The following INPP4B variants were observed in gnomAD, a reference collection of about 807,000 sequenced individuals.
The protein encoded by INPP4B is inositol polyphosphate-4-phosphatase type II B.
A neutral mutation model predicts 122.5 loss-of-function variants in INPP4B; 55 were observed. The ratio of observed to expected loss-of-function variants is 0.45; its 90% confidence interval spans 0.36 to 0.56. The LOEUF (loss-of-function observed/expected upper bound fraction) is 0.56. Among genes scored for constraint, INPP4B ranks in the 20% least tolerant of loss-of-function variants. INPP4B has a pLI of 0.00. For missense variants in INPP4B, 1,000 were observed against 1,097.7 expected (o/e 0.91, Z 1.26); for synonymous variants, 403 against 388.7 (o/e 1.04, Z -0.43).
In INPP4B at chr4:142,026,676, AG is replaced by A. The variant is rs1478275800; in HGVS notation, c.*2105del. 1 of 152,194 alleles carries A rather than the reference AG, an allele frequency of 6.6e-6. No homozygotes were observed. The highest frequency in any genetic ancestry group is 1.5e-5 in the Non-Finnish European group (1 of 68,052). The allele number at this position is 152,194 out of a possible 1,614,324, so 9.4% of individuals were successfully genotyped here. Reference sequence around the variant, plus strand: ...GAGATGGGGTTTCACCATGTTGGCCAGGCTGATCTCCAATTCCTGACCTCAG... The same window carrying A: ...GAGATGGGGTTTCACCATGTTGGCCAGCTGATCTCCAATTCCTGACCTCAG... On this transcript the variant is annotated 3_prime_UTR_variant, in exon 26 of 26. Transcript: ENST00000262992.
At chr4:142,517,591 C>G (rs1825575089) in intron 2 of INPP4B, among the ~76,000 whole-genome samples, 1 of 152,084 alleles carries the variant, frequency 6.6e-6, no homozygotes, top group Non-Finnish European at 1.5e-5. Context: ...ATGAATATGT[C>G]TTAGCCTTAA....
rs568015804 is a variant in INPP4B at position 142,266,283 on chromosome 4, A to G, written c.615+4380T>C. 1.2e-4 allele frequency among the ~76,000 whole-genome samples: 19 copies of G among 152,142 alleles called. 1 individual carries two copies. The highest frequency in any genetic ancestry group is 3.6e-4 in the African/African-American group (15 of 41,514). ...CAAACTCAAGAAAGTCTGCTCCAAA[A>G]CTTTACCATGGCCCTGATATTAGTT... On this transcript the variant is annotated intron_variant, in intron 10 of 25. Coordinates refer to ENST00000262992, the MANE Select transcript of INPP4B (RefSeq NM_001101669.3).
At chr4:142,605,095 G>C (rs2150314424) in intron 2 of INPP4B, among the ~76,000 whole-genome samples, 1 of 151,802 alleles carries the variant, frequency 6.6e-6, no homozygotes, top group South Asian at 2.1e-4. Flanking sequence ...CTTTGGCAAA[G>C]TCACCAGGAA....
At chr4:142,569,518 G>A (rs1210794445) in intron 2 of INPP4B, among the ~76,000 whole-genome samples, 2 of 152,058 alleles carry the variant, frequency 1.3e-5, no homozygotes, top group Non-Finnish European at 2.9e-5. Flanking sequence ...TTACAGAAGG[G>A]AGAAACTGGG....
At chr4:142,042,550 GTATGTATGTATTTATT>G (rs1376848365) in intron 25 of INPP4B, among the ~76,000 whole-genome samples, 6 of 28,882 alleles carry the variant, frequency 2.1e-4, no homozygotes, top group African/African-American at 3.6e-4. Flanking sequence ...ATGTATGTAT[GTATGTATGTATTTATT>G]TATTTATTTA....
intron 9 of INPP4B, among the ~76,000 whole-genome samples, chr4:142,273,935 C>T (rs2247587): frequency 0.53 from 80,407 of 151,694 alleles, 25,511 homozygotes; most frequent in Non-Finnish European, 0.69. Context: ...GTAGAAGCCA[C>T]TCTCTATTTA....
Position 142,173,652 on chromosome 4 carries a change from A to C in INPP4B, c.1339T>G (p.Leu447Val), listed in dbSNP as rs1443819630. The change falls in exon 16 of 26, where the codon TTA becomes GTA. Residue 447 changes from leucine (L) to valine (V), a missense_variant. Transcript: ENST00000262992. ...QHSPDSLKNS[L>V]KMLSEKTELF... ...CTTACTTTTTCTGAAAGCATCTTTA[A>C]AGAATTCTTCAAGCTGTCTGGAGAA... The C allele has an allele frequency of 1.6e-5, 26 of 1,611,710 alleles. No individual in the cohort carries two copies. Among genetic ancestry groups the C allele is most frequent in the Non-Finnish European group, 2.2e-5 (26 of 1,178,968 alleles).
intron 2 of INPP4B, among the ~76,000 whole-genome samples, chr4:142,524,171 C>T (rs533160553): frequency 1.3e-5 from 2 of 151,770 alleles, no homozygotes; most frequent in African/African-American, 4.8e-5. Context: ...GGGTATATAC[C>T]CAGTAATGGG....
chr4:142,773,263 G>A (rs766965885), intron 1 of INPP4B, among the ~76,000 whole-genome samples: 1 of 152,034 alleles, frequency 6.6e-6, no homozygotes, highest in African/African-American at 2.4e-5. Flanking sequence ...TGTGGCACAA[G>A]AGCAGACATA....
chr4:142,594,291 G>A (rs72726475), intron 2 of INPP4B, among the ~76,000 whole-genome samples: 2,829 of 152,064 alleles, frequency 0.019, 46 homozygotes, highest in Non-Finnish European at 0.027. Context: ...TGTTTACTGA[G>A]GCAAAGTAAA....
intron 7 of INPP4B, among the ~76,000 whole-genome samples, chr4:142,398,271 G>C (rs111227906): frequency 1.3e-5 from 2 of 148,420 alleles, no homozygotes; most frequent in Non-Finnish European, 3.0e-5. Flanking sequence ...CCAGCTACTC[G>C]GGAGGCTGAG....
chr4:142,737,920 C>T (rs568120370), intron 1 of INPP4B, among the ~76,000 whole-genome samples: 53 of 152,338 alleles, frequency 3.5e-4, no homozygotes, highest in African/African-American at 1.2e-3. Context: ...TACCATCTCA[C>T]ACCAGTTAGA....
At position 142,208,536 on chromosome 4, in the gene INPP4B, G is replaced by A. The variant is rs2149521626; in HGVS notation, c.968-7C>T. ...CTTGATTTGAAAGAGGACCCTGATG[G>A]AAACCAGAAATTAAACATTATTAGT... On this transcript the variant is annotated splice_region_variant and splice_polypyrimidine_tract_variant and intron_variant, in intron 13 of 25. Coordinates refer to ENST00000262992, the MANE Select transcript of INPP4B (RefSeq NM_001101669.3). The A allele has an allele frequency of 1.4e-6, 2 of 1,456,698 alleles. No homozygotes were observed. The highest frequency in any genetic ancestry group is 1.9e-6 in the Non-Finnish European group (2 of 1,056,468). 90.2% of individuals were successfully genotyped at this position (1,456,698 alleles called of 1,614,324 possible).
At chr4:142,289,742 T>C (rs932577682) in intron 9 of INPP4B, among the ~76,000 whole-genome samples, 3 of 152,206 alleles carry the variant, frequency 2.0e-5, no homozygotes, top group Non-Finnish European at 2.9e-5. Context: ...TAGTACTCCA[T>C]GGTGACCCAA....
chr4:142,747,874 G>T (rs1020401348), intron 1 of INPP4B, among the ~76,000 whole-genome samples: 1 of 136,532 alleles, frequency 7.3e-6, no homozygotes, highest in Non-Finnish European at 1.7e-5. Context: ...CTGTCAAGGG[G>T]TGGGGGAGCT....
intron 9 of INPP4B, among the ~76,000 whole-genome samples, chr4:142,299,454 C>T (rs1039022319): frequency 6.6e-6 from 1 of 151,290 alleles, no homozygotes; most frequent in Admixed American, 6.6e-5. Flanking sequence ...CGCATCCGGC[C>T]TTGTTCACTT....
intron 2 of INPP4B, among the ~76,000 whole-genome samples, chr4:142,587,021 C>T (rs1736366273): frequency 1.3e-5 from 2 of 152,210 alleles, no homozygotes; most frequent in East Asian, 3.9e-4. Flanking sequence ...ACCTTGAATG[C>T]TATTTTCAAA....
chr4:142,341,891 G>A (rs1392955701), intron 7 of INPP4B, among the ~76,000 whole-genome samples: 1 of 152,046 alleles, frequency 6.6e-6, no homozygotes, highest in African/African-American at 2.4e-5. Context: ...TTGCCAATAA[G>A]GGGAGTGATC....
intron 2 of INPP4B, among the ~76,000 whole-genome samples, chr4:142,704,792 T>C (rs139822296): frequency 2.6e-4 from 39 of 152,348 alleles, no homozygotes; most frequent in African/African-American, 9.4e-4. Context: ...TTGCTCCTGA[T>C]AGTCACTGCA....
Sources: gnomAD v4.1 joint callset for allele counts (sites outside exome capture counted in the v4.1 genomes callset) on GRCh38, gnomAD v4.1.1 for gene constraint, MANE v1.5 for transcripts, NCBI Gene and HGNC (gene_info 2026-07-23, HGNC 2026-07-21) for gene names.